Variants in PRMT2 observed in about 807,000 individuals in gnomAD.
PRMT2 encodes the protein protein arginine methyltransferase 2.
Under a neutral mutation model 57.6 loss-of-function variants are expected in PRMT2, and 26 were observed. The ratio of observed to expected loss-of-function variants is 0.45; its 90% CI spans 0.33 to 0.63. The LOEUF is 0.63. Ranked by LOEUF, PRMT2 falls within the 20% of genes least tolerant of loss-of-function variation. The pLI is 0.02. For synonymous variants in PRMT2, 219 were observed against 220.0 expected, an observed-to-expected ratio of 1.00 and a Z score of 0.04; for missense variants, 472 against 564.4, an observed-to-expected ratio of 0.84 and a Z score of 1.66.
intron 7 of PRMT2, chr21:46,657,314 T>G (rs1218830098): frequency 6.6e-6 from 1 of 150,934 alleles, no homozygotes; most frequent in Non-Finnish European, 1.5e-5. Flanking sequence ...CCCAGAGATA[T>G]GCAAGCTGTG....
chr21:46,638,707 C>T (rs556791754), intron 3 of PRMT2, among the ~76,000 whole-genome samples: 2 of 152,294 alleles, frequency 1.3e-5, no homozygotes, highest in Admixed American at 1.3e-4. Flanking sequence ...GGTAGTATTT[C>T]AGTAATACTT....
At position 46,649,709 on chromosome 21, in the gene PRMT2, G is replaced by C; in HGVS notation, c.624G>C (p.Leu208=). The C allele has an allele frequency of 6.2e-7, 1 of 1,613,922 alleles. No homozygotes were observed. The highest frequency in any genetic ancestry group is 8.5e-7 in the Non-Finnish European group (1 of 1,179,984). ...DVVLPEKVDV[L]VSEWMGTCLL... The stretch of plus-strand genomic sequence containing the variant: ...TGCTGCCCGAGAAGGTGGACGTGCT[G>C]GTGTCTGAGTGGATGGGGACCTGCC... Residue 208 remains leucine (L), a synonymous_variant, in exon 7 of 12, where the codon CTG becomes CTC. Coordinates refer to ENST00000355680, the MANE Select transcript of PRMT2 (RefSeq NM_206962.4). This position sits in a 1 kb window ranked among gnomAD's most constrained non-coding sequence, Gnocchi z 4.8.
At chr21:46,650,974 C>G (rs1194487254) in intron 7 of PRMT2, among the ~76,000 whole-genome samples, 1 of 152,148 alleles carries the variant, frequency 6.6e-6, no homozygotes, top group African/African-American at 2.4e-5. Flanking sequence ...GTCCTGGACA[C>G]CGAAGGGAGT....
At position 46,663,539 on chromosome 21, in the gene PRMT2, C is replaced by A. The variant is rs1358094106; in HGVS notation, c.1254C>A (p.Asp418Glu). 1 of 1,613,830 alleles carries A rather than the reference C, an allele frequency of 6.2e-7. No individual in the cohort carries two copies. The highest frequency in any genetic ancestry group is 8.5e-7 in the Non-Finnish European group (1 of 1,179,740). Residue 418 changes from aspartate to glutamate, a missense_variant, in exon 11 of 12, where the codon GAC (aspartate) becomes GAA (glutamate). Asp to Glu is a conservative substitution (Grantham distance 45, BLOSUM62 2). Transcript: ENST00000355680. ...GCTGGGCTGTCACTTCCAGACAAGA[C>A]CCCACATCTCAAAAAGTAAGATACG... ...ALSWAVTSRQ[D>E]PTSQKVGEKV...
chr21:46,648,703 A>G lies in PRMT2; in HGVS notation c.489+84A>G, dbSNP rs2061402969. ...TGGCCTCTGAGTGTGCTGACTTGTG[A>G]CCCTGAGCTGTTGGGGGCTCACCGG... On this transcript the variant is annotated intron_variant, in intron 6 of 11. Coordinates refer to ENST00000355680, the MANE Select transcript of PRMT2 (RefSeq NM_206962.4). The surrounding 1 kb of genome is among the most constrained non-coding windows in gnomAD (Gnocchi z 4.8). 1 of 1,529,728 alleles carries G rather than the reference A, an allele frequency of 6.5e-7. No homozygotes were observed. Among genetic ancestry groups the G allele is most frequent in the Non-Finnish European group, 8.9e-7 (1 of 1,122,448 alleles). The allele number at this position is 1,529,728 out of a possible 1,614,324, so 94.8% of individuals were successfully genotyped here.
At chr21:46,646,258 A>G (rs886327717) in intron 5 of PRMT2, among the ~76,000 whole-genome samples, 1 of 152,234 alleles carries the variant, frequency 6.6e-6, no homozygotes, top group Non-Finnish European at 1.5e-5. Context: ...CAGGTATGCC[A>G]TATTTCACAA....
At chr21:46,659,274 G>A (rs563071985) in intron 8 of PRMT2, 14 of 1,023,120 alleles carry the variant, frequency 1.4e-5, no homozygotes, top group East Asian at 9.7e-5. Context: ...TGGAATCAGC[G>A]TCAGCGACAG....
chr21:46,661,682 T>A, intron 9 of PRMT2, 118 bp from the exon 10 acceptor site: 2 of 1,097,392 alleles, frequency 1.8e-6, no homozygotes, highest in Non-Finnish European at 2.3e-6. Context: ...CTGGGGGGCT[T>A]TTCTACGGTT....
chr21:46,636,362 C>T (rs936725021), intron 1 of PRMT2, 77 bp from the exon 2 acceptor site: 2 of 152,368 alleles, frequency 1.3e-5, no homozygotes, highest in East Asian at 1.9e-4. Flanking sequence ...AAATAAGCTT[C>T]AAGTCTGGAT....
intron 5 of PRMT2, among the ~76,000 whole-genome samples, chr21:46,645,914 A>G (rs1272223904): frequency 6.6e-6 from 1 of 152,016 alleles, no homozygotes; most frequent in Admixed American, 6.6e-5. Flanking sequence ...GGGTTTTGCC[A>G]TGTTGGCCAG....
intron 7 of PRMT2, chr21:46,654,917 G>T (rs1330940031): frequency 2.0e-6 from 2 of 984,372 alleles, no homozygotes; most frequent in Non-Finnish European, 2.4e-6. Context: ...CTCCCTCTAT[G>T]TATGTACATA....
intron 3 of PRMT2, among the ~76,000 whole-genome samples, chr21:46,639,669 T>A (rs75308904): frequency 5.7e-4 from 85 of 149,426 alleles, no homozygotes; most frequent in South Asian, 4.6e-3. Flanking sequence ...TTTTTTTTTT[T>A]ATCATTAGTG....
intron 7 of PRMT2, among the ~76,000 whole-genome samples, chr21:46,650,122 C>T (rs2061427526): frequency 6.6e-6 from 1 of 152,202 alleles, no homozygotes. Context: ...TGTGAAGCCA[C>T]TTGGGCATCT....
intron 3 of PRMT2, among the ~76,000 whole-genome samples, chr21:46,640,212 A>G (rs1276299859): frequency 6.6e-6 from 1 of 152,186 alleles, no homozygotes; most frequent in Non-Finnish European, 1.5e-5. Flanking sequence ...TAAACGCCAC[A>G]ATAAATTATC....
chr21:46,658,621 C>T, intron 7 of PRMT2, 124 bp from the exon 8 acceptor site: 1 of 1,494,164 alleles, frequency 6.7e-7, no homozygotes. Flanking sequence ...CTGGCCTAGG[C>T]AGGAATATTC....
intron 11 of PRMT2, among the ~76,000 whole-genome samples, 183 bp downstream of exon 11, chr21:46,663,737 C>A (rs562143235): frequency 1.3e-5 from 2 of 151,710 alleles, no homozygotes; most frequent in African/African-American, 4.8e-5. Flanking sequence ...TCTGACAGCA[C>A]GGGAAGTGGA....
Position 46,644,379 on chromosome 21 carries a change from C to T in PRMT2, c.218C>T (p.Ala73Val), listed in dbSNP as rs374458410. Residue 73 changes from alanine (A) to valine (V), a missense_variant, in exon 5 of 12, where the codon GCG (alanine) becomes GTG (valine). This residue lies in a region of PRMT2 where 243 missense variants were observed against 347.2 expected (regional missense o/e 0.70). Coordinates refer to ENST00000355680, the MANE Select transcript of PRMT2 (RefSeq NM_206962.4). ...GCAGATTGGTGGTGGGGTGAGCGTG[C>T]GGGCTGCTGTGGGTACATTCCGGCA... ...TTADWWWGER[A>V]GCCGYIPANH... 9.9e-6 allele frequency: 16 copies of T among 1,611,628 alleles called. No homozygotes were observed. Among genetic ancestry groups the T allele is most frequent in the East Asian group, 2.2e-5 (1 of 44,670 alleles).
chr21:46,650,657 T>G (rs2061436081), intron 7 of PRMT2, among the ~76,000 whole-genome samples: 2 of 152,212 alleles, frequency 1.3e-5, no homozygotes, highest in African/African-American at 2.4e-5. Flanking sequence ...TAAGTATCTG[T>G]TGACAGCTGG....
intron 3 of PRMT2, among the ~76,000 whole-genome samples, chr21:46,639,570 T>C (rs914471696): frequency 1.2e-4 from 18 of 152,146 alleles, no homozygotes; most frequent in Non-Finnish European, 2.9e-5. Flanking sequence ...TGACCTTATT[T>C]TTTATAAAAC....
Sources: allele counts gnomAD v4.1 joint callset (sites outside exome capture counted in the v4.1 genomes callset), GRCh38; gene constraint gnomAD v4.1.1; regional missense constraint gnomAD v4.1.1; non-coding constraint Gnocchi (gnomAD v3.1); transcripts MANE v1.5; gene names NCBI Gene and HGNC (gene_info 2026-07-23, HGNC 2026-07-21).